The following FAM78B variants were observed in gnomAD, a reference collection of about 807,000 sequenced individuals.
FAM78B encodes the protein protein FAM78B.
In FAM78B, 10 loss-of-function variants were observed where a neutral mutation model predicts 20.0. The ratio of observed to expected loss-of-function variants is 0.50; its 90% confidence interval spans 0.31 to 0.85. FAM78B has a LOEUF of 0.85. Ranked by LOEUF, FAM78B falls within the 40% of genes least tolerant of loss-of-function variation. The probability of loss-of-function intolerance (pLI) is 0.05; values close to 1 mark genes in which losing one functional copy is unlikely to be tolerated. For synonymous variants in FAM78B, 135 were observed against 132.8 expected (o/e 1.02, Z -0.12); for missense variants, 283 against 345.0 (o/e 0.82, Z 1.42).
intron 1 of FAM78B, among the ~76,000 whole-genome samples, chr1:166,088,563 C>T (rs756372125): frequency 1.3e-5 from 2 of 152,182 alleles, no homozygotes; most frequent in Non-Finnish European, 2.9e-5. Flanking sequence ...TCTTGCAGAG[C>T]TGCCATGTGG....
chr1:166,070,031 T>C lies in FAM78B; in HGVS notation c.*210A>G, dbSNP rs568172705. 5 of 1,244,148 alleles carry C rather than the reference T, an allele frequency of 4.0e-6. No individual in the cohort carries two copies. In the East Asian group the frequency reaches 9.3e-5, roughly 23 times the overall value. 77.1% of individuals were successfully genotyped at this position (1,244,148 alleles called of 1,614,324 possible). A position where few individuals can be genotyped will look rare whatever the true frequency, so the allele number is the denominator to read the frequency against. On this transcript the variant is annotated 3_prime_UTR_variant, in exon 2 of 2. Transcript: ENST00000354422. ...CACAGCAAGTCTGTCAAATCAGTGA[T>C]TTCTTTATTCCTAAGAGGAAGGGAT... is the stretch of plus-strand genomic sequence containing the variant.
chr1:166,063,640 TCTC>T (rs1363473787), intron 2 of FAM78B, among the ~76,000 whole-genome samples: 1 of 152,076 alleles, frequency 6.6e-6, no homozygotes, highest in East Asian at 1.9e-4. Context: ...GCAAACAATC[TCTC>T]CTCCTTTATA....
chr1:166,149,175 G>A (rs1272794662), intron 1 of FAM78B, among the ~76,000 whole-genome samples: 1 of 152,160 alleles, frequency 6.6e-6, no homozygotes, highest in Non-Finnish European at 1.5e-5. Context: ...TGGGATGGCT[G>A]GGTCAAATGG....
chr1:166,090,650 T>C (rs1237559192), intron 1 of FAM78B, among the ~76,000 whole-genome samples: 2 of 152,234 alleles, frequency 1.3e-5, no homozygotes, highest in Non-Finnish European at 2.9e-5. Context: ...CCACCTGCCA[T>C]GTGCTTGGTA....
At chr1:166,134,236 A>T (rs1654987145) in intron 1 of FAM78B, among the ~76,000 whole-genome samples, 1 of 119,012 alleles carries the variant, frequency 8.4e-6, no homozygotes, top group African/African-American at 3.2e-5. Flanking sequence ...TATTCTAGGG[A>T]CTCCCTGAAT....
At position 166,079,641 on chromosome 1, in the gene FAM78B, T is replaced by C. The variant is rs146044058; in HGVS notation, c.264-8878A>G. On this transcript the variant is annotated intron_variant, in intron 1 of 1. Coordinates refer to ENST00000354422, the MANE Select transcript of FAM78B (RefSeq NM_001017961.5). ...AGGGGCTGAGGGTCACTTGTTCCTA[T>C]GCTGCTAGGTTCTGGCACAAAACTT... Among the ~76,000 whole-genome samples, 63 of 152,346 alleles carry C rather than the reference T, an allele frequency of 4.1e-4. 1 individual carries two copies. The Middle Eastern group carries it at 0.01, about 25-fold the overall frequency.
In FAM78B at chr1:166,109,833, T is replaced by C. The variant is rs1405952038; in HGVS notation, c.264-39070A>G. ...ATATATGTATATATATATATATATG[T>C]ATATATGTATATATATATATATATA... On this transcript the variant is annotated intron_variant, in intron 1 of 1. Transcript: ENST00000354422. Among the ~76,000 whole-genome samples the C allele has an allele frequency of 3.5e-4, 5 of 14,220 alleles. 1 individual carries two copies. Among genetic ancestry groups the C allele is most frequent in the African/African-American group, 8.3e-4 (3 of 3,598 alleles). 9.3% of individuals were successfully genotyped at this position (14,220 alleles called of 152,430 possible). A position where few individuals can be genotyped will look rare whatever the true frequency, so the allele number is the denominator to read the frequency against.
intron 1 of FAM78B, among the ~76,000 whole-genome samples, chr1:166,073,068 G>GAGAT (rs1652112161): frequency 6.6e-6 from 1 of 152,168 alleles, no homozygotes. Flanking sequence ...ACAAAAAACA[G>GAGAT]AGATAATACA....
intron 1 of FAM78B, among the ~76,000 whole-genome samples, chr1:166,104,943 G>A (rs1455834789): frequency 6.6e-6 from 1 of 152,176 alleles, no homozygotes; most frequent in Non-Finnish European, 1.5e-5. Flanking sequence ...CATGCTACCT[G>A]ACTTCAAACT....
chr1:166,062,912 C>T (rs1651658284), intron 2 of FAM78B, among the ~76,000 whole-genome samples: 1 of 152,186 alleles, frequency 6.6e-6, no homozygotes, highest in Admixed American at 6.5e-5. Flanking sequence ...GAGAGATAAC[C>T]AGCTGTTTCT....
At chr1:166,145,376 G>C (rs1456814697) in intron 1 of FAM78B, among the ~76,000 whole-genome samples, 1 of 152,202 alleles carries the variant, frequency 6.6e-6, no homozygotes, top group East Asian at 1.9e-4. Flanking sequence ...TGAAGCCTAC[G>C]TTCCCAGGGT....
In FAM78B at chr1:166,109,904, A is replaced by ATG. The variant is rs1557903462; in HGVS notation, c.264-39142_264-39141insCA. On this transcript the variant is annotated intron_variant, in intron 1 of 1. Coordinates refer to ENST00000354422, the MANE Select transcript of FAM78B (RefSeq NM_001017961.5). ...TATGTATATATGTATATATATATAT[A>ATG]TATATATATATATATAATGGAATAC... is the stretch of plus-strand genomic sequence containing the variant. 5.5e-4 allele frequency among the ~76,000 whole-genome samples: 45 copies of ATG among 81,252 alleles called. 4 individuals carry two copies. The highest frequency in any genetic ancestry group is 2.1e-3 in the South Asian group (5 of 2,370). The allele number at this position is 81,252 out of a possible 152,430, so 53.3% of individuals were successfully genotyped here. A position where few individuals can be genotyped will look rare whatever the true frequency, so the allele number is the denominator to read the frequency against.
At chr1:166,097,301 G>C (rs1653323373) in intron 1 of FAM78B, among the ~76,000 whole-genome samples, 1 of 152,180 alleles carries the variant, frequency 6.6e-6, no homozygotes, top group African/African-American at 2.4e-5. Context: ...ACTCCACAGG[G>C]GGAAGGAATT....
At chr1:166,139,101 T>C (rs1655179497) in intron 1 of FAM78B, among the ~76,000 whole-genome samples, 1 of 152,112 alleles carries the variant, frequency 6.6e-6, no homozygotes, top group Non-Finnish European at 1.5e-5. Context: ...CACCAGAAAT[T>C]TTTCTAGCTA....
chr1:166,074,289 T>G (rs958768717), intron 1 of FAM78B, among the ~76,000 whole-genome samples: 2 of 152,156 alleles, frequency 1.3e-5, no homozygotes, highest in African/African-American at 4.8e-5. Context: ...ATGCTGTTCC[T>G]CCTCCTATTC....
intron 1 of FAM78B, among the ~76,000 whole-genome samples, chr1:166,094,808 G>A (rs1027277420): frequency 2.2e-4 from 33 of 152,300 alleles, no homozygotes; most frequent in African/African-American, 7.2e-4. Context: ...TTCCTTGGTC[G>A]TGACAGCAAT....
At chr1:166,141,964 T>C (rs550259559) in intron 1 of FAM78B, among the ~76,000 whole-genome samples, 1 of 152,302 alleles carries the variant, frequency 6.6e-6, no homozygotes, top group East Asian at 1.9e-4. Flanking sequence ...ATGCTGGTCC[T>C]GCAAAGTTGT....
intron 1 of FAM78B, among the ~76,000 whole-genome samples, chr1:166,159,540 C>T (rs1189964692): frequency 6.6e-6 from 1 of 152,182 alleles, no homozygotes; most frequent in African/African-American, 2.4e-5. Context: ...AGTCTGCATC[C>T]TTAACCTGGA....
intron 1 of FAM78B, among the ~76,000 whole-genome samples, chr1:166,164,613 C>T (rs6696964): frequency 0.23 from 35,405 of 152,112 alleles, 4,397 homozygotes; most frequent in South Asian, 0.4. Flanking sequence ...AGTGCAAAAT[C>T]TTTGGGAGGA....
Sources: gnomAD v4.1 joint callset for allele counts (sites outside exome capture counted in the v4.1 genomes callset) on GRCh38, gnomAD v4.1.1 for gene constraint, MANE v1.5 for transcripts, NCBI Gene and HGNC (gene_info 2026-07-23, HGNC 2026-07-21) for gene names.